The following ATP10B variants were observed in gnomAD, a reference collection of about 807,000 sequenced individuals.
ATP10B encodes the protein ATPase phospholipid transporting 10B (putative), also known as phospholipid-transporting ATPase VB.
In ATP10B, 122 loss-of-function variants were observed where a neutral mutation model predicts 141.2. The observed-to-expected ratio is 0.86, with a 90% CI of 0.75 to 1.00. The LOEUF is 1.00. ATP10B is among the 50% of genes least tolerant of loss of function. ATP10B has a pLI of 0.00. For synonymous variants in ATP10B, 685 were observed against 692.0 expected (o/e 0.99, Z 0.16); for missense variants, 1,876 against 1,825.3 (o/e 1.03, Z -0.51).
chr5:160,768,077 C>T (rs1213523563), intron 2 of ATP10B, among the ~76,000 whole-genome samples: 2 of 152,150 alleles, frequency 1.3e-5, no homozygotes, highest in South Asian at 2.1e-4. Context: ...GGTAGGTAGT[C>T]TCTTCCTTTC....
chr5:160,784,268 C>G (rs980178071), intron 2 of ATP10B, among the ~76,000 whole-genome samples: 2 of 151,948 alleles, frequency 1.3e-5, no homozygotes, highest in Non-Finnish European at 2.9e-5. Flanking sequence ...AAGCAATTGC[C>G]TATACTTGAA....
At chr5:160,620,013 T>C (rs1443309468) in intron 15 of ATP10B, among the ~76,000 whole-genome samples, 1 of 152,170 alleles carries the variant, frequency 6.6e-6, no homozygotes, top group African/African-American at 2.4e-5. Context: ...ATGTGTTCCA[T>C]GGTAAGATAA....
At chr5:160,925,989 A>G in the ATP10B span, among the ~76,000 whole-genome samples, 1 of 152,352 alleles carries the variant, frequency 6.6e-6, no homozygotes, top group South Asian at 2.1e-4. Context: ...TTGCCAGGTA[A>G]TATAGCCCAG....
intron 8 of ATP10B, 45 bp from the exon 9 acceptor site, chr5:160,644,289 C>T (rs1347499792): frequency 7.2e-7 from 1 of 1,383,622 alleles, no homozygotes; most frequent in African/African-American, 1.4e-5. Flanking sequence ...GGTGGCCTTT[C>T]CTTGCTGTCA....
chr5:160,879,706 C>T, the ATP10B span, among the ~76,000 whole-genome samples: 12 of 152,006 alleles, frequency 7.9e-5, no homozygotes, highest in South Asian at 2.1e-4. Context: ...GGCGTGGTAG[C>T]GGGCGCCTGT....
intron 1 of ATP10B, among the ~76,000 whole-genome samples, chr5:160,809,034 G>A (rs911398023): frequency 4.6e-5 from 7 of 152,118 alleles, no homozygotes; most frequent in African/African-American, 1.7e-4. Flanking sequence ...GGTGTTCTAC[G>A]TGTGTTCCTG....
chr5:160,801,206 T>C (rs1447871564), intron 1 of ATP10B, among the ~76,000 whole-genome samples: 1 of 152,184 alleles, frequency 6.6e-6, no homozygotes, highest in Non-Finnish European at 1.5e-5. Flanking sequence ...ACACAAACCC[T>C]ACTGGGGCTA....
At chr5:160,629,840 G>A (rs893266645) in intron 13 of ATP10B, among the ~76,000 whole-genome samples, 1 of 152,206 alleles carries the variant, frequency 6.6e-6, no homozygotes, top group Non-Finnish European at 1.5e-5. Context: ...GACTCCACGT[G>A]TGCCTAATTC....
intron 2 of ATP10B, among the ~76,000 whole-genome samples, chr5:160,740,715 C>T (rs1035912783): frequency 6.6e-6 from 1 of 152,218 alleles, no homozygotes. Context: ...TACATTGGCA[C>T]CACCTTTCCT....
At chr5:160,857,532 T>TA in the ATP10B span, among the ~76,000 whole-genome samples, 1 of 151,838 alleles carries the variant, frequency 6.6e-6, no homozygotes, top group African/African-American at 2.4e-5. Flanking sequence ...TTCTGTTTTT[T>TA]AATTTATTTC....
intron 1 of ATP10B, among the ~76,000 whole-genome samples, chr5:160,828,449 TA>T (rs951930826): frequency 7.9e-5 from 12 of 151,974 alleles, no homozygotes; most frequent in Non-Finnish European, 8.8e-5. Flanking sequence ...AAAAGACACA[TA>T]AAAAAATGCT....
At chr5:160,569,705 C>A (rs776337198) in intron 24 of ATP10B, 22 bp from the exon 25 acceptor site, 1 of 1,528,498 alleles carries the variant, frequency 6.5e-7, no homozygotes, top group Non-Finnish European at 8.8e-7. Context: ...AATAAGCAAA[C>A]ACTGTTGAAG....
chr5:160,797,535 T>C (rs891174885), intron 1 of ATP10B, among the ~76,000 whole-genome samples: 1 of 152,196 alleles, frequency 6.6e-6, no homozygotes, highest in Non-Finnish European at 1.5e-5. Flanking sequence ...GTAGGGGCTA[T>C]ATTTTATATA....
intron 2 of ATP10B, among the ~76,000 whole-genome samples, chr5:160,726,578 C>T (rs1431741707): frequency 6.9e-6 from 1 of 145,122 alleles, no homozygotes; most frequent in Non-Finnish European, 1.5e-5. Flanking sequence ...TCACAGCACA[C>T]TGAAGTGACA....
chr5:160,636,218 GC>G lies in ATP10B; in HGVS notation c.1091del (p.Gly364AlafsTer8). On this transcript the variant is annotated frameshift_variant, in exon 11 of 26. Transcript: ENST00000327245. LOFTEE classifies it high-confidence loss of function. The part of the protein sequence containing the change: ...NGSFLPSALG[G>X]FYMFLTMIIL... ...TGATCATTGTGAGGAACATGTAGAA[GC>G]CCCCAAGGGCACTGGGAAGGAAGCT... 6.2e-7 allele frequency: 1 copy of G among 1,613,160 alleles called. No homozygotes were observed. The highest frequency in any genetic ancestry group is 1.1e-5 in the South Asian group (1 of 90,860).
intron 24 of ATP10B, among the ~76,000 whole-genome samples, chr5:160,587,908 G>A (rs910009986): frequency 3.9e-5 from 6 of 152,114 alleles, no homozygotes; most frequent in African/African-American, 9.7e-5. Context: ...GCATGATCTC[G>A]GCTCACTGCA....
chr5:160,873,299 C>G, the ATP10B span, among the ~76,000 whole-genome samples: 21 of 152,102 alleles, frequency 1.4e-4, no homozygotes, highest in South Asian at 4.2e-3. Context: ...TCATTCTTCA[C>G]GGTGAAACTC....
At chr5:160,637,223 C>A (rs1759475111) in intron 10 of ATP10B, among the ~76,000 whole-genome samples, 2 of 151,092 alleles carry the variant, frequency 1.3e-5, no homozygotes, top group Admixed American at 6.6e-5. Flanking sequence ...CATCTACCCA[C>A]CCACCCATTC....
intron 18 of ATP10B, 98 bp downstream of exon 18, chr5:160,612,643 G>T: frequency 1.8e-6 from 2 of 1,109,320 alleles, no homozygotes; most frequent in Non-Finnish European, 2.6e-6. Flanking sequence ...GTGCTTCCCT[G>T]GTGTACCCAA....
Sources: allele counts gnomAD v4.1 joint callset (sites outside exome capture counted in the v4.1 genomes callset), GRCh38; gene constraint gnomAD v4.1.1; transcripts MANE v1.5; gene names NCBI Gene and HGNC (gene_info 2026-07-23, HGNC 2026-07-21).